SIMC1: variants seen among roughly 807,000 people sequenced by gnomAD.
The protein encoded by SIMC1 is SUMO-interacting motif-containing protein 1.
SIMC1 carries 55 observed loss-of-function variants against 82.3 expected under a neutral mutation model. The observed-to-expected ratio is 0.67, with a 90% CI of 0.54 to 0.84. The LOEUF is 0.84. Ranked by LOEUF, SIMC1 falls within the 40% of genes least tolerant of loss-of-function variation. The pLI is 0.00. For synonymous variants in SIMC1, 353 were observed against 426.3 expected (o/e 0.83, Z 2.12); for missense variants, 915 against 1,107.2 (o/e 0.83, Z 2.46).
intron 1 of SIMC1, among the ~76,000 whole-genome samples, chr5:176,275,133 G>C (rs576814205): frequency 6.6e-6 from 1 of 151,340 alleles, no homozygotes; most frequent in East Asian, 1.9e-4. Flanking sequence ...CCATTTGTTT[G>C]TATCCTCTTT....
At chr5:176,255,176 T>C (rs1180780404) in intron 1 of SIMC1, among the ~76,000 whole-genome samples, 1 of 151,880 alleles carries the variant, frequency 6.6e-6, no homozygotes. Flanking sequence ...CTCCAGAGGC[T>C]GAGGTTGCAG....
At chr5:176,296,431 A>G in intron 4 of SIMC1, 111 bp downstream of exon 4, 2 of 1,561,892 alleles carry the variant, frequency 1.3e-6, no homozygotes, top group Non-Finnish European at 1.7e-6. Context: ...TGGGAGGCCG[A>G]GGCAGGAGGA....
At chr5:176,325,144 A>G (rs541080441) in intron 7 of SIMC1, among the ~76,000 whole-genome samples, 1 of 150,820 alleles carries the variant, frequency 6.6e-6, no homozygotes, top group East Asian at 2.0e-4. Context: ...CTTTGGGAGG[A>G]CTAGGACTAG....
At chr5:176,306,276 C>T (rs1181754775) in intron 4 of SIMC1, among the ~76,000 whole-genome samples, 2 of 125,858 alleles carry the variant, frequency 1.6e-5, no homozygotes, top group Non-Finnish European at 3.5e-5. Context: ...GCCGCCCCGT[C>T]CGGGAGGGAG....
intron 1 of SIMC1, among the ~76,000 whole-genome samples, chr5:176,279,890 C>T (rs899801045): frequency 6.6e-6 from 1 of 151,926 alleles, no homozygotes; most frequent in Non-Finnish European, 1.5e-5. Flanking sequence ...AGCTTTACTT[C>T]CAAGTATGTG....
chr5:176,252,548 C>T (rs1381635407), intron 1 of SIMC1, among the ~76,000 whole-genome samples: 1 of 151,220 alleles, frequency 6.6e-6, no homozygotes, highest in African/African-American at 2.4e-5. Context: ...GATGGGCGGC[C>T]GGGCAGAGAC....
At chr5:176,295,342 T>C (rs1177982566) in intron 3 of SIMC1, 80 bp downstream of exon 3, 31 of 1,492,222 alleles carry the variant, frequency 2.1e-5, no homozygotes, top group Non-Finnish European at 2.3e-5. Context: ...TGACAGGCTT[T>C]TTTAACCTAA....
intron 4 of SIMC1, among the ~76,000 whole-genome samples, chr5:176,307,108 C>T (rs549575154): frequency 6.6e-6 from 1 of 152,200 alleles, no homozygotes; most frequent in South Asian, 2.1e-4. Context: ...AATGCAATGT[C>T]ACCTCATACC....
chr5:176,247,407 T>C (rs1761487520), intron 1 of SIMC1, among the ~76,000 whole-genome samples: 1 of 152,184 alleles, frequency 6.6e-6, no homozygotes, highest in Non-Finnish European at 1.5e-5. Flanking sequence ...AAATGTCTTC[T>C]TTTAAGAAGT....
At chr5:176,291,852 C>T (rs1763590294) in intron 2 of SIMC1, among the ~76,000 whole-genome samples, 1 of 152,160 alleles carries the variant, frequency 6.6e-6, no homozygotes, top group South Asian at 2.1e-4. Context: ...CAGGGTCATA[C>T]GTGAAAGTGT....
chr5:176,271,938 CTATTATA>C (rs201505639), intron 1 of SIMC1, among the ~76,000 whole-genome samples: 2,661 of 140,230 alleles, frequency 0.019, 49 homozygotes, highest in Non-Finnish European at 0.028. Flanking sequence ...ATAATATATA[CTATTATA>C]TATTATATAT....
intron 1 of SIMC1, among the ~76,000 whole-genome samples, chr5:176,283,754 A>C (rs991244278): frequency 1.3e-4 from 20 of 151,240 alleles, no homozygotes; most frequent in African/African-American, 4.6e-4. Context: ...GTCAAGACCC[A>C]TCAGTGTGCT....
chr5:176,252,343 CGGG>C (rs1189819010), intron 1 of SIMC1, among the ~76,000 whole-genome samples: 2 of 147,446 alleles, frequency 1.4e-5, no homozygotes, highest in Non-Finnish European at 3.0e-5. Context: ...ACTTCCCAGA[CGGG>C]GTGGCTGCCG....
intron 5 of SIMC1, among the ~76,000 whole-genome samples, chr5:176,319,114 GA>G (rs1195362948): frequency 1.3e-5 from 2 of 151,390 alleles, no homozygotes; most frequent in African/African-American, 4.9e-5. Context: ...GTCTCAGGGG[GA>G]AAAAAAGAAG....
chr5:176,323,834 A>G (rs1765260892), intron 6 of SIMC1, among the ~76,000 whole-genome samples: 1 of 151,880 alleles, frequency 6.6e-6, no homozygotes, highest in Non-Finnish European at 1.5e-5. Flanking sequence ...AAAAAATACA[A>G]AAAAATAGCC....
intron 1 of SIMC1, among the ~76,000 whole-genome samples, chr5:176,287,944 G>A (rs1402691476): frequency 2.0e-5 from 3 of 152,204 alleles, no homozygotes; most frequent in Admixed American, 1.3e-4. Flanking sequence ...GAAGGGGTTA[G>A]TTTAACCAGC....
intron 4 of SIMC1, among the ~76,000 whole-genome samples, chr5:176,302,078 AGTT>A (rs1764065528): frequency 6.6e-6 from 1 of 152,208 alleles, no homozygotes; most frequent in Admixed American, 6.5e-5. Context: ...ATATATAAAT[AGTT>A]GTTATACTGC....
At chr5:176,275,085 A>T (rs1446012635) in intron 1 of SIMC1, among the ~76,000 whole-genome samples, 1 of 151,448 alleles carries the variant, frequency 6.6e-6, no homozygotes, top group East Asian at 1.9e-4. Flanking sequence ...CATTTTCATG[A>T]TATTGATTCT....
chr5:176,304,716 G>A (rs1305290663), intron 4 of SIMC1, among the ~76,000 whole-genome samples: 43 of 149,862 alleles, frequency 2.9e-4, no homozygotes, highest in African/African-American at 9.1e-4. Flanking sequence ...GTCTCCGCCC[G>A]GCCGCCATCC....
Sources: gnomAD v4.1 joint callset for allele counts (sites outside exome capture counted in the v4.1 genomes callset) on GRCh38, gnomAD v4.1.1 for gene constraint, MANE v1.5 for transcripts, NCBI Gene and HGNC (gene_info 2026-07-23, HGNC 2026-07-21) for gene names.